The following RAD54L2 variants were observed in gnomAD, a reference collection of about 807,000 sequenced individuals.
RAD54L2 encodes the protein RAD54 like 2, also known as helicase ARIP4.
Under a neutral mutation model 138.4 loss-of-function variants are expected in RAD54L2, and 27 were observed. The ratio of observed to expected loss-of-function variants is 0.20; its 90% CI spans 0.14 to 0.27. The LOEUF (loss-of-function observed/expected upper bound fraction) is 0.27, where lower values mean the gene tolerates loss of function less well. RAD54L2 is among the 10% of genes least tolerant of loss of function. RAD54L2 has a pLI of 1.00. For missense variants in RAD54L2, 1,396 were observed against 1,890.2 expected, an observed-to-expected ratio of 0.74 and a Z score of 4.85; for synonymous variants, 644 against 723.2, an observed-to-expected ratio of 0.89 and a Z score of 1.76.
intron 21 of RAD54L2, among the ~76,000 whole-genome samples, chr3:51,658,342 C>T (rs1168226293): frequency 6.6e-6 from 1 of 151,860 alleles, no homozygotes; most frequent in East Asian, 1.9e-4. Context: ...CATTTACCCA[C>T]TTGCTTGGAG....
At chr3:51,653,672 A>T (rs929330021) in intron 19 of RAD54L2, among the ~76,000 whole-genome samples, 1 of 152,196 alleles carries the variant, frequency 6.6e-6, no homozygotes, top group African/African-American at 2.4e-5. Context: ...TCAGCAAACT[A>T]TCACAAGGAC....
intron 2 of RAD54L2, among the ~76,000 whole-genome samples, chr3:51,567,392 T>C (rs1372578240): frequency 6.6e-6 from 1 of 152,218 alleles, no homozygotes. Context: ...TTGTGTTATC[T>C]TGTTGGTTTC....
chr3:51,614,813 C>T lies in RAD54L2; in HGVS notation c.140-12740C>T, dbSNP rs527580172. 2.6e-5 allele frequency among the ~76,000 whole-genome samples: 4 copies of T among 151,910 alleles called. No individual in the cohort carries two copies. In the South Asian group the frequency reaches 8.3e-4, roughly 32 times the overall value. On this transcript the variant is annotated intron_variant, in intron 3 of 22. Coordinates refer to ENST00000684192, the MANE Select transcript of RAD54L2 (RefSeq NM_015106.4). ...CAGGCGGGAGCCACTGGCGCCTGGC[C>T]TCTAATCTCATTTTTAAAGATATAT...
At chr3:51,601,575 G>C (rs1700081925) in intron 3 of RAD54L2, among the ~76,000 whole-genome samples, 1 of 149,292 alleles carries the variant, frequency 6.7e-6, no homozygotes, top group South Asian at 2.1e-4. Flanking sequence ...CAAAGTGCTG[G>C]GATTACAGAC....
chr3:51,656,445 A>C (rs948674549), intron 20 of RAD54L2, among the ~76,000 whole-genome samples: 4 of 152,194 alleles, frequency 2.6e-5, no homozygotes, highest in Non-Finnish European at 5.9e-5. Context: ...ACTGGAATAC[A>C]GGGTTGGTCT....
At chr3:51,649,462 C>T (rs895979844) in intron 19 of RAD54L2, among the ~76,000 whole-genome samples, 11 of 152,144 alleles carry the variant, frequency 7.2e-5, no homozygotes, top group African/African-American at 2.7e-4. Flanking sequence ...CAAAGATACT[C>T]TTCGAGAAGA....
chr3:51,557,204 T>G (rs1698992229), intron 2 of RAD54L2, among the ~76,000 whole-genome samples: 1 of 134,006 alleles, frequency 7.5e-6, no homozygotes, highest in African/African-American at 2.8e-5. Flanking sequence ...TTTTTTTTTT[T>G]TTTGAGACAG....
chr3:51,634,725 T>G (rs1700940909), intron 9 of RAD54L2, among the ~76,000 whole-genome samples: 1 of 152,292 alleles, frequency 6.6e-6, no homozygotes, highest in African/African-American at 2.4e-5. Context: ...ACCTAATCAT[T>G]AGTCACTTCT....
chr3:51,613,228 C>T (rs1355510494), intron 3 of RAD54L2, among the ~76,000 whole-genome samples: 3 of 152,112 alleles, frequency 2.0e-5, no homozygotes, highest in Non-Finnish European at 2.9e-5. Context: ...TGAGCCACCA[C>T]GCCCGGCCCC....
In RAD54L2 at chr3:51,627,552, G is replaced by T; in HGVS notation, c.140-1G>T. 2 of 1,550,324 alleles carry T rather than the reference G, an allele frequency of 1.3e-6. No individual in the cohort carries two copies. The highest frequency in any genetic ancestry group is 2.4e-5 in the South Asian group (2 of 83,984). On this transcript the variant is annotated splice_acceptor_variant, in intron 3 of 22. Transcript: ENST00000684192. LOFTEE classifies it high-confidence loss of function. ...CAATGTCTTTCCCCTTGTTTTTTCA[G>T]ACCCATCCCTGGAAGGCATGTGTGG...
intron 3 of RAD54L2, among the ~76,000 whole-genome samples, chr3:51,626,320 A>G (rs1345715687): frequency 6.6e-6 from 1 of 151,564 alleles, no homozygotes; most frequent in East Asian, 1.9e-4. Context: ...TACCCAGTGA[A>G]CAGAATGCTA....
rs758569059 is a variant in RAD54L2, at chr3:51,646,456, A to G, written c.3001A>G (p.Ile1001Val). 6.2e-7 allele frequency: 1 copy of G among 1,610,632 alleles called. No individual in the cohort carries two copies. The highest frequency in any genetic ancestry group is 2.2e-5 in the East Asian group (1 of 44,800). ...YPASDQSLTS[I>V]PAFSQRNWQP... ...TGCCAGCGATCAGAGCCTGACCAGC[A>G]TCCCCGCCTTCAGCCAGAGAAACTG... The change falls in exon 19 of 23, where the codon ATC becomes GTC. Residue 1001 changes from isoleucine (I) to valine (V), a missense_variant. By Grantham distance (29) the Ile-to-Val change is conservative. Coordinates refer to ENST00000684192, the MANE Select transcript of RAD54L2 (RefSeq NM_015106.4).
rs557786520 is a variant in RAD54L2 at position 51,620,281 on chromosome 3, A to G, written c.140-7272A>G. 9.9e-5 allele frequency among the ~76,000 whole-genome samples: 9 copies of G among 90,744 alleles called. No homozygotes were observed. The East Asian group carries it at 3.3e-3, about 33-fold the overall frequency. 59.5% of individuals were successfully genotyped at this position (90,744 alleles called of 152,430 possible). A position where few individuals can be genotyped will look rare whatever the true frequency, so the allele number is the denominator to read the frequency against. On this transcript the variant is annotated intron_variant, in intron 3 of 22. Transcript: ENST00000684192. ...TAATTTTTTTTTTTTTTTTTTTTGT[A>G]GAGATGGCAGTTTCTCTATGTTGCC...
rs1701860913 is a variant in RAD54L2, at chr3:51,664,097, C to T, written c.*677C>T. On this transcript the variant is annotated 3_prime_UTR_variant, in exon 23 of 23. Transcript: ENST00000684192. ...TGGAAGTCAGTTTGGTGGTTCATGG[C>T]ACCTAGTGTGAACATCAGGGTGAGC... 6.6e-6 allele frequency: 1 copy of T among 152,164 alleles called. No homozygotes were observed. Among genetic ancestry groups the T allele is most frequent in the South Asian group, 2.1e-4 (1 of 4,826 alleles). The allele number at this position is 152,164 out of a possible 1,614,324, so 9.4% of individuals were successfully genotyped here.
At chr3:51,646,586 G>C in intron 19 of RAD54L2, 105 bp downstream of exon 19, 5 of 1,171,262 alleles carry the variant, frequency 4.3e-6, no homozygotes, top group Non-Finnish European at 5.9e-6. Context: ...TTCCTTGACT[G>C]CTGTGAATTG....
chr3:51,552,983 G>A (rs552381721), intron 2 of RAD54L2, among the ~76,000 whole-genome samples: 71 of 152,170 alleles, frequency 4.7e-4, no homozygotes, highest in African/African-American at 1.6e-3. Flanking sequence ...TTTATTTCTT[G>A]TCCTTTGTCA....
chr3:51,665,614 T>A lies in RAD54L2; in HGVS notation c.*2194T>A, dbSNP rs1189438736. On this transcript the variant is annotated 3_prime_UTR_variant, in exon 23 of 23. Coordinates refer to ENST00000684192, the MANE Select transcript of RAD54L2 (RefSeq NM_015106.4). ...TAAAAATAGCAGTTCCAACCAGTGC[T>A]TTCTCTTTCAGATGCATCCCAAGAA... 6.6e-6 allele frequency: 1 copy of A among 152,234 alleles called. No homozygotes were observed. Among genetic ancestry groups the A allele is most frequent in the Non-Finnish European group, 1.5e-5 (1 of 68,044 alleles). 9.4% of individuals were successfully genotyped at this position (152,234 alleles called of 1,614,324 possible). A position where few individuals can be genotyped will look rare whatever the true frequency, so the allele number is the denominator to read the frequency against.
In RAD54L2 at chr3:51,564,192, A is replaced by G. The variant is rs1189917337; in HGVS notation, c.-55+22542A>G. On this transcript the variant is annotated intron_variant, in intron 2 of 22. Coordinates refer to ENST00000684192, the MANE Select transcript of RAD54L2 (RefSeq NM_015106.4). ...GGCTTCTTTTCTATTCTTCTCTTAA[A>G]TTGCGATGAAGCAGTATGTCTCTGC... is the stretch of plus-strand genomic sequence containing the variant. Among the ~76,000 whole-genome samples, 4 of 152,174 alleles carry G rather than the reference A, an allele frequency of 2.6e-5. No individual in the cohort carries two copies. The East Asian group carries it at 7.7e-4, about 29-fold the overall frequency.
At chr3:51,574,936 A>G (rs994240698) in intron 2 of RAD54L2, among the ~76,000 whole-genome samples, 2 of 152,136 alleles carry the variant, frequency 1.3e-5, no homozygotes, top group Non-Finnish European at 2.9e-5. Context: ...CTGTGTCCTG[A>G]ATGGTATTGC....
Sources: gnomAD v4.1 joint callset for allele counts (sites outside exome capture counted in the v4.1 genomes callset) on GRCh38, gnomAD v4.1.1 for gene constraint, MANE v1.5 for transcripts, NCBI Gene and HGNC (gene_info 2026-07-23, HGNC 2026-07-21) for gene names.